Variants in BTK observed in about 807,000 individuals in gnomAD.
BTK encodes the protein Bruton tyrosine kinase, also known as tyrosine-protein kinase BTK.
In BTK, 5 loss-of-function variants were observed where a neutral mutation model predicts 57.4. The ratio of observed to expected loss-of-function variants is 0.09; its 90% CI spans 0.05 to 0.18. BTK has a LOEUF of 0.18. Ranked by LOEUF, BTK falls within the 10% of genes least tolerant of loss-of-function variation. BTK has a pLI of 1.00. For synonymous variants in BTK, 154 were observed against 174.3 expected (o/e 0.88, Z 0.92); for missense variants, 194 against 501.2 (o/e 0.39, Z 5.85).
chrX:101,353,350 C>G lies in BTK; in HGVS notation c.1752G>C (p.Gly584=). ...FSSKSDIWAF[G]VLMWEIYSLG... is the part of the protein sequence containing the mutation. ...GGGAGTAAATTTCCCACATCAAAACCCCTAGAAGGTGAAAAAAATTATTAA... is the reference window on the plus strand; with the variant it reads ...GGGAGTAAATTTCCCACATCAAAACGCCTAGAAGGTGAAAAAAATTATTAA... Residue 584 remains glycine, a splice_region_variant and synonymous_variant, in exon 18 of 19, where the codon GGG becomes GGC. Transcript: ENST00000308731. 2 of 1,210,302 alleles carry G rather than the reference C, an allele frequency of 1.7e-6. No individual in the cohort carries two copies. Among genetic ancestry groups the G allele is most frequent in the Non-Finnish European group, 2.2e-6 (2 of 894,500 alleles).
chrX:101,381,893 G>A (rs782051779), intron 1 of BTK, among the ~76,000 whole-genome samples: 4 of 109,129 alleles, frequency 3.7e-5, no homozygotes, highest in East Asian at 2.9e-4. Flanking sequence ...TTAGCCTGGC[G>A]TGGTGGCGCG....
chrX:101,361,861 C>T (rs1603009629), intron 7 of BTK, among the ~76,000 whole-genome samples: 2 of 112,410 alleles, frequency 1.8e-5, no homozygotes, highest in East Asian at 5.6e-4. Context: ...TGCCATTACA[C>T]TCGAACCTGG....
upstream of BTK, chrX:101,390,540 A>C (rs781783016): frequency 1.2e-5 from 6 of 515,548 alleles, no homozygotes; most frequent in Non-Finnish European, 2.1e-5. Flanking sequence ...TGAATGGACC[A>C]ACTGGCCATG....
At chrX:101,377,920 T>C (rs1411912520) in intron 1 of BTK, 1 of 111,448 alleles carries the variant, frequency 9.0e-6, no homozygotes, top group East Asian at 2.8e-4. Context: ...AGCCTGAAAA[T>C]GTGGTAGCTC....
chrX:101,354,279 C>G, intron 16 of BTK: 1 of 411,079 alleles, frequency 2.4e-6, no homozygotes, highest in Non-Finnish European at 4.2e-6. Context: ...TCTTCTCCTT[C>G]CCTTCCTTTT....
Position 101,353,220 on chromosome X carries a change from T to A in BTK, c.1882A>T (p.Thr628Ser), listed in dbSNP as rs3027646. Residue 628 changes from threonine to serine, a missense_variant, in exon 18 of 19, where the codon ACC (threonine) becomes TCC (serine). Around this residue, in one of 3 missense-constraint regions of BTK, gnomAD observed 79 missense variants for 217.7 expected, o/e 0.36. Coordinates refer to ENST00000308731, the MANE Select transcript of BTK (RefSeq NM_000061.3). ...TCATGCCAGCAACTGTACATGATGG[T>A]ATATACCTTCTCTGAAGCCAGATGA... is the stretch of plus-strand genomic sequence containing the variant. ...RPHLASEKVY[T>S]IMYSCWHEKA... 8.3e-7 allele frequency: 1 copy of A among 1,209,018 alleles called. No homozygotes were observed. Among genetic ancestry groups the A allele is most frequent in the Non-Finnish European group, 1.1e-6 (1 of 894,777 alleles).
chrX:101,357,582 T>C lies in BTK; in HGVS notation c.1104A>G (p.Gly368=), dbSNP rs781940603. The C allele has an allele frequency of 4.5e-5, 54 of 1,204,595 alleles. No homozygotes were observed. The South Asian group carries it at 9.2e-4, about 20-fold the overall frequency. ...LINYHQHNSA[G]LISRLKYPVS... ...CTGGATATTTGAGCCTGGATATGAGTCCTGAAACAGAGAGAGAGGTCATGC... is the reference window on the plus strand; with the variant it reads ...CTGGATATTTGAGCCTGGATATGAGCCCTGAAACAGAGAGAGAGGTCATGC... Residue 368 remains glycine, a splice_region_variant and synonymous_variant, in exon 13 of 19, where the codon GGA becomes GGG. Transcript: ENST00000308731.
At chrX:101,365,479 G>GT (rs1376637022) in intron 5 of BTK, among the ~76,000 whole-genome samples, 2 of 111,956 alleles carry the variant, frequency 1.8e-5, no homozygotes, top group African/African-American at 6.5e-5. Context: ...TCCAAAGCTG[G>GT]TATTTCCAGC....
chrX:101,354,529 G>GA (rs1360950562), intron 16 of BTK, 101 bp downstream of exon 16: 74 of 896,772 alleles, frequency 8.3e-5, no homozygotes, highest in Admixed American at 5.7e-4. Context: ...GCTAGAATGA[G>GA]AAAAAAAAGA....
Position 101,357,546 on chromosome X carries a change from T to C in BTK, c.1140A>G (p.Gln380=), listed in dbSNP as rs782184877. 24 of 1,208,831 alleles carry C rather than the reference T, an allele frequency of 2.0e-5. No homozygotes were observed. The African/African-American group carries it at 3.9e-4, about 19-fold the overall frequency. The change falls in exon 13 of 19, where the codon CAA becomes CAG. Residue 380 remains glutamine, a synonymous_variant. Coordinates refer to ENST00000308731, the MANE Select transcript of BTK (RefSeq NM_000061.3). ...ISRLKYPVSQ[Q]NKNAPSTAGL... is the part of the protein sequence containing the mutation. ...CTGCAGTGGAAGGTGCATTCTTGTT[T>C]TGTTGAGACACTGGATATTTGAGCC...
intron 7 of BTK, among the ~76,000 whole-genome samples, 159 bp downstream of exon 7, chrX:101,362,014 G>A (rs1016195283): frequency 2.7e-5 from 3 of 112,619 alleles, no homozygotes; most frequent in African/African-American, 6.4e-5. Flanking sequence ...TCTTTCCATC[G>A]AGGAGGAAAT....
rs139502309 is a variant in BTK, at chrX:101,363,785, C to G, written c.392-1096G>C. ...AGAGAAGCAAAGACAATTGAAATAA[C>G]TGATAGCAGCAAACACTAGAGCAAA... On this transcript the variant is annotated intron_variant, in intron 5 of 18. Transcript: ENST00000308731. Among the ~76,000 whole-genome samples the G allele has an allele frequency of 4.6e-5, 5 of 108,417 alleles. No individual in the cohort carries two copies. The East Asian group carries it at 1.4e-3, about 31-fold the overall frequency. The allele number at this position is 108,417 out of a possible 115,157, so 94.1% of individuals were successfully genotyped here.
chrX:101,362,135 C>T (rs1926690936), intron 7 of BTK, 38 bp downstream of exon 7: 10 of 1,182,486 alleles, frequency 8.5e-6, no homozygotes, highest in Non-Finnish European at 1.2e-5. Flanking sequence ...CTATAAGTTT[C>T]CATTTAAGCA....
intron 1 of BTK, among the ~76,000 whole-genome samples, chrX:101,384,468 A>G (rs1927549138): frequency 9.0e-6 from 1 of 111,634 alleles, no homozygotes. Context: ...GTGGTGGCAC[A>G]TGCCTGTAAT....
At chrX:101,362,441 A>G (rs1356019554) in intron 6 of BTK, 120 bp downstream of exon 6, 2 of 1,100,367 alleles carry the variant, frequency 1.8e-6, no homozygotes, top group African/African-American at 1.8e-5. Flanking sequence ...CTCCCCCAGG[A>G]CCCTTTGTTT....
intron 17 of BTK, among the ~76,000 whole-genome samples, chrX:101,353,556 G>A (rs1926369373): frequency 1.8e-5 from 2 of 111,373 alleles, no homozygotes; most frequent in African/African-American, 6.5e-5. Flanking sequence ...CTAGAAGAGA[G>A]ACAGCATCTT....
intron 3 of BTK, among the ~76,000 whole-genome samples, 164 bp from the exon 4 acceptor site, chrX:101,371,865 A>G (rs1039147259): frequency 2.6e-4 from 29 of 112,032 alleles, no homozygotes; most frequent in Non-Finnish European, 5.6e-5. Flanking sequence ...CACATATCCA[A>G]TACGACCCAA....
intron 9 of BTK, 83 bp downstream of exon 9, chrX:101,360,005 T>C: frequency 4.1e-6 from 1 of 241,668 alleles, no homozygotes; most frequent in East Asian, 1.1e-4. Context: ...ATATATAAAA[T>C]ATATATAAAT....
rs782104009 is a variant in BTK, at chrX:101,369,198, A to G, written c.391+800T>C. The stretch of plus-strand genomic sequence containing the variant: ...TGAAATATTTCCTTGGGAAATATTT[A>G]TCCACAACAAAGAGATGTACAGTGC... On this transcript the variant is annotated intron_variant, in intron 5 of 18. Transcript: ENST00000308731. 2.7e-5 allele frequency among the ~76,000 whole-genome samples: 3 copies of G among 112,648 alleles called. No individual in the cohort carries two copies. The South Asian group carries it at 1.1e-3, about 41-fold the overall frequency.
Sources: gnomAD v4.1 joint callset for allele counts (sites outside exome capture counted in the v4.1 genomes callset) on GRCh38, gnomAD v4.1.1 for gene constraint, gnomAD v4.1.1 regional missense constraint, MANE v1.5 for transcripts, NCBI Gene and HGNC (gene_info 2026-07-23, HGNC 2026-07-21) for gene names.